Variants in SLC9A2 observed in about 807,000 individuals in gnomAD.
The protein encoded by SLC9A2 is solute carrier family 9 member A2.
Under a neutral mutation model 71.7 loss-of-function variants are expected in SLC9A2, and 42 were observed. The ratio of observed to expected loss-of-function variants is 0.59; its 90% CI spans 0.46 to 0.76. The LOEUF is 0.76. Ranked by LOEUF, SLC9A2 falls within the 30% of genes least tolerant of loss-of-function variation. SLC9A2 has a pLI of 0.00. For synonymous variants in SLC9A2, 396 were observed against 392.5 expected (o/e 1.01, Z -0.10); for missense variants, 829 against 1,017.4 (o/e 0.81, Z 2.52).
intron 5 of SLC9A2, among the ~76,000 whole-genome samples, 196 bp from the exon 6 acceptor site, chr2:102,694,218 T>A (rs1353294674): frequency 6.6e-6 from 1 of 152,088 alleles, no homozygotes; most frequent in Non-Finnish European, 1.5e-5. Flanking sequence ...GAAAGAAAAA[T>A]TAACAAAAAG....
chr2:102,632,183 T>C (rs1676387160), intron 1 of SLC9A2, among the ~76,000 whole-genome samples: 1 of 137,082 alleles, frequency 7.3e-6, no homozygotes, highest in Non-Finnish European at 1.6e-5. Context: ...TATACATACA[T>C]ATATATATAA....
Position 102,710,679 on chromosome 2 carries a change from T to G in SLC9A2, c.*2190T>G, listed in dbSNP as rs1023551279. 1 of 152,290 alleles carries G rather than the reference T, an allele frequency of 6.6e-6. No individual in the cohort carries two copies. Among genetic ancestry groups the G allele is most frequent in the African/African-American group, 2.4e-5 (1 of 41,460 alleles). 9.4% of individuals were successfully genotyped at this position (152,290 alleles called of 1,614,324 possible). On this transcript the variant is annotated 3_prime_UTR_variant, in exon 12 of 12. Coordinates refer to ENST00000233969, the MANE Select transcript of SLC9A2 (RefSeq NM_003048.6). ...TGACTTTAGCTTTTTTTCTATACTT[T>G]CCTCTTTTTGTAATTCTTAAATTCT...
rs1227654357 is a variant in SLC9A2 at position 102,619,802 on chromosome 2, CT to C, written c.-46del. On this transcript the variant is annotated 5_prime_UTR_variant, in exon 1 of 12. Coordinates refer to ENST00000233969, the MANE Select transcript of SLC9A2 (RefSeq NM_003048.6). This position sits in a 1 kb window ranked among gnomAD's most constrained non-coding sequence, Gnocchi z 4.3. Reference sequence around the variant, plus strand: ...CAGCCCGGGCGCGATGCGTTGAGCGCTCGGAGGGCCAACCGCCGGTCCCCTT... The same window carrying C: ...CAGCCCGGGCGCGATGCGTTGAGCGCCGGAGGGCCAACCGCCGGTCCCCTT... 14 of 1,445,670 alleles carry C rather than the reference CT, an allele frequency of 9.7e-6. No homozygotes were observed. The highest frequency in any genetic ancestry group is 1.3e-5 in the Non-Finnish European group (14 of 1,100,640). 89.6% of individuals were successfully genotyped at this position (1,445,670 alleles called of 1,614,324 possible).
chr2:102,619,884 G>T lies in SLC9A2; in HGVS notation c.36G>T (p.Ala12=), dbSNP rs1183732885. The change falls in exon 1 of 12, where the codon GCG becomes GCT. Residue 12 remains alanine, a synonymous_variant. Transcript: ENST00000233969. The surrounding 1 kb of genome is among the most constrained non-coding windows in gnomAD (Gnocchi z 4.3). ...EPLGNWRSLR[A]PLPPMLLLLL... ...TGGGCAACTGGAGGAGCCTGCGGGC[G>T]CCACTGCCTCCGATGCTGTTGCTGC... is the stretch of plus-strand genomic sequence containing the variant. The T allele has an allele frequency of 1.3e-6, 2 of 1,563,914 alleles. No individual in the cohort carries two copies. Among genetic ancestry groups the T allele is most frequent in the Admixed American group, 1.8e-5 (1 of 54,752 alleles).
rs1464352712 is a variant in SLC9A2 at position 102,683,186 on chromosome 2, C to T, written c.1005-75C>T. 4.1e-6 allele frequency: 4 copies of T among 979,002 alleles called. No individual in the cohort carries two copies. In the East Asian group the frequency reaches 9.5e-5, roughly 23 times the overall value. 60.6% of individuals were successfully genotyped at this position (979,002 alleles called of 1,614,324 possible). ...GCAGAAGAGTAGAGCCATAATTTAG[C>T]TCTTAAGTGCTATCTCTTGCATTCT... is the stretch of plus-strand genomic sequence containing the variant. On this transcript the variant is annotated intron_variant, in intron 3 of 11. Coordinates refer to ENST00000233969, the MANE Select transcript of SLC9A2 (RefSeq NM_003048.6).
At chr2:102,632,025 T>TACAC (rs1404734717) in intron 1 of SLC9A2, among the ~76,000 whole-genome samples, 2 of 89,234 alleles carry the variant, frequency 2.2e-5, no homozygotes, top group African/African-American at 8.4e-5. Context: ...TATATATATA[T>TACAC]ATATATATAT....
At chr2:102,620,187 C>A in intron 1 of SLC9A2, 50 bp downstream of exon 1, 1 of 1,526,862 alleles carries the variant, frequency 6.5e-7, no homozygotes. Context: ...CTCGGGGGGA[C>A]ACCTGGAGGG....
rs369364281 is a variant in SLC9A2, at chr2:102,644,242, TC to T, written c.290-13318del. ...AAGTGCAAGGGGTCAGTGAACTCCC[TC>T]CCCTAGCCAAAGGACGCTGTGAGGG... On this transcript the variant is annotated intron_variant, in intron 1 of 11. Coordinates refer to ENST00000233969, the MANE Select transcript of SLC9A2 (RefSeq NM_003048.6). Among the ~76,000 whole-genome samples the T allele has an allele frequency of 3.9e-3, 589 of 152,042 alleles. 3 individuals are homozygous for T. Among genetic ancestry groups the T allele is most frequent in the African/African-American group, 0.014 (575 of 41,468 alleles).
In SLC9A2 at chr2:102,632,023, T is replaced by TACACAC. The variant is rs1320481772; in HGVS notation, c.289+11887_289+11888insCACACA. 2.6e-5 allele frequency among the ~76,000 whole-genome samples: 2 copies of TACACAC among 78,394 alleles called. 1 individual carries two copies. Among genetic ancestry groups the TACACAC allele is most frequent in the African/African-American group, 8.3e-5 (2 of 24,182 alleles). The allele number at this position is 78,394 out of a possible 152,430, so 51.4% of individuals were successfully genotyped here. On this transcript the variant is annotated intron_variant, in intron 1 of 11. Coordinates refer to ENST00000233969, the MANE Select transcript of SLC9A2 (RefSeq NM_003048.6). The stretch of plus-strand genomic sequence containing the variant: ...ATATATATATATATATATATATATA[T>TACACAC]ATATATATATATATACATACACACA...
chr2:102,636,392 A>G (rs930859624), intron 1 of SLC9A2, among the ~76,000 whole-genome samples: 1 of 152,224 alleles, frequency 6.6e-6, no homozygotes, highest in Non-Finnish European at 1.5e-5. Context: ...GTTAGCAACC[A>G]CTTAATTGAA....
intron 7 of SLC9A2, chr2:102,697,526 G>T (rs1677789555): frequency 6.6e-6 from 1 of 151,228 alleles, no homozygotes; most frequent in African/African-American, 2.4e-5. Flanking sequence ...TAATAATTTT[G>T]TAAGTATTGA....
intron 2 of SLC9A2, among the ~76,000 whole-genome samples, chr2:102,660,253 A>C (rs1332690683): frequency 6.6e-6 from 1 of 152,218 alleles, no homozygotes; most frequent in Non-Finnish European, 1.5e-5. Flanking sequence ...CACTCTACTC[A>C]GAAGAAGGGC....
intron 3 of SLC9A2, among the ~76,000 whole-genome samples, chr2:102,673,753 T>G (rs1289624435): frequency 6.6e-6 from 1 of 152,066 alleles, no homozygotes; most frequent in Non-Finnish European, 1.5e-5. Flanking sequence ...AACAAGATAA[T>G]AAGTCAGAAA....
At chr2:102,662,108 C>T (rs191745112) in intron 2 of SLC9A2, among the ~76,000 whole-genome samples, 6 of 152,228 alleles carry the variant, frequency 3.9e-5, no homozygotes, top group East Asian at 3.9e-4. Flanking sequence ...CTGACACTGC[C>T]GTGGCATCTC....
intron 1 of SLC9A2, among the ~76,000 whole-genome samples, chr2:102,641,877 A>G (rs1489540986): frequency 7.6e-6 from 1 of 131,922 alleles, no homozygotes; most frequent in Non-Finnish European, 1.6e-5. Flanking sequence ...GGTGGGGAAC[A>G]TCACACACCA....
intron 3 of SLC9A2, among the ~76,000 whole-genome samples, chr2:102,678,620 A>C (rs560684771): frequency 6.6e-6 from 1 of 152,188 alleles, no homozygotes; most frequent in Non-Finnish European, 1.5e-5. Context: ...AAGAAATCTT[A>C]TCTCTTGATA....
chr2:102,661,490 A>G (rs2104522873), intron 2 of SLC9A2, among the ~76,000 whole-genome samples: 1 of 152,312 alleles, frequency 6.6e-6, no homozygotes, highest in South Asian at 2.1e-4. Context: ...ATTATCCTGT[A>G]TGTTTCATAC....
rs191805679 is a variant in SLC9A2 at position 102,694,463 on chromosome 2, A to T, written c.1475A>T (p.Asn492Ile). 1.0e-5 allele frequency: 16 copies of T among 1,544,642 alleles called. No individual in the cohort carries two copies. Among genetic ancestry groups the T allele is most frequent in the Non-Finnish European group, 1.4e-5 (16 of 1,135,508 alleles). The change falls in exon 6 of 12, where the codon AAT (asparagine) becomes ATT (isoleucine). Residue 492 changes from asparagine (N) to isoleucine (I), a missense_variant. Physicochemically the swap from Asn to Ile is moderately radical, Grantham distance 149. This residue lies in a region of SLC9A2 where 500 missense variants were observed against 726.3 expected (regional missense o/e 0.69). Transcript: ENST00000233969. Reference sequence around the variant, plus strand: ...GAGTTTCTTGATGTCAAGAGGTCCAATAAGAAACAACAAGCTGTCAGTGAA... The same window carrying T: ...GAGTTTCTTGATGTCAAGAGGTCCATTAAGAAACAACAAGCTGTCAGTGAA... ...LVEFLDVKRS[N>I]KKQQAVSEEI...
At chr2:102,684,035 T>C in intron 4 of SLC9A2, 99 bp from the exon 5 acceptor site, 1 of 844,524 alleles carries the variant, frequency 1.2e-6, no homozygotes. Context: ...TATTCTTAAA[T>C]CCTTTGTCCC....
Sources: gnomAD v4.1 joint callset for allele counts (sites outside exome capture counted in the v4.1 genomes callset) on GRCh38, gnomAD v4.1.1 for gene constraint, gnomAD v4.1.1 regional missense constraint, Gnocchi (gnomAD v3.1) non-coding constraint, MANE v1.5 for transcripts, NCBI Gene and HGNC (gene_info 2026-07-23, HGNC 2026-07-21) for gene names.